The following DOCK8 variants were observed in gnomAD, a reference collection of about 807,000 sequenced individuals.
DOCK8 encodes the protein dedicator of cytokinesis 8, also known as dedicator of cytokinesis protein 8.
DOCK8 carries 141 observed loss-of-function variants against 245.6 expected under a neutral mutation model. The ratio of observed to expected loss-of-function variants is 0.57; its 90% CI spans 0.50 to 0.66. The LOEUF is 0.66. DOCK8 is among the 30% of genes least tolerant of loss of function. DOCK8 has a pLI of 0.00. For synonymous variants in DOCK8, 1,168 were observed against 970.2 expected, an observed-to-expected ratio of 1.20 and a Z score of -3.79; for missense variants, 2,965 against 2,603.4, an observed-to-expected ratio of 1.14 and a Z score of -3.02.
intron 14 of DOCK8, among the ~76,000 whole-genome samples, chr9:349,393 T>G (rs1209223329): frequency 6.6e-6 from 1 of 152,258 alleles, no homozygotes; most frequent in Non-Finnish European, 1.5e-5. Context: ...ATGCAACTAT[T>G]AATGGAAATA....
At chr9:404,774 T>A in intron 26 of DOCK8, 144 bp from the exon 27 acceptor site, 1 of 852,026 alleles carries the variant, frequency 1.2e-6, no homozygotes, top group East Asian at 2.6e-5. Context: ...TAATGCAGAA[T>A]TTACCATCTG....
Position 290,744 on chromosome 9 carries a change from C to G in DOCK8, c.404+1163C>G, listed in dbSNP as rs536834033. On this transcript the variant is annotated intron_variant, in intron 4 of 47. Coordinates refer to ENST00000432829, the MANE Select transcript of DOCK8 (RefSeq NM_203447.4). ...TAGAGACACGTCACAGAACCTTTGACAAGACATTAGTAGTTTAAAATTCTG... is the reference window on the plus strand; with the variant it reads ...TAGAGACACGTCACAGAACCTTTGAGAAGACATTAGTAGTTTAAAATTCTG... Among the ~76,000 whole-genome samples, 4 of 152,258 alleles carry G rather than the reference C, an allele frequency of 2.6e-5. No homozygotes were observed. The South Asian group carries it at 8.3e-4, about 32-fold the overall frequency.
intron 4 of DOCK8, among the ~76,000 whole-genome samples, chr9:302,654 G>A (rs190141322): frequency 3.3e-5 from 5 of 152,150 alleles, no homozygotes; most frequent in Non-Finnish European, 7.4e-5. Flanking sequence ...AATTCAACAT[G>A]CAAAAAACCA....
At position 285,169 on chromosome 9, in the gene DOCK8, C is replaced by T. The variant is rs558615243; in HGVS notation, c.157-1292C>T. ...AGCTTCATCCTCACTCCCTAACTTA[C>T]GCCACTCATGTCTCCTCCATCATCA... On this transcript the variant is annotated intron_variant, in intron 2 of 47. Transcript: ENST00000432829. Among the ~76,000 whole-genome samples, 9 of 152,238 alleles carry T rather than the reference C, an allele frequency of 5.9e-5. No homozygotes were observed. In the East Asian group the frequency reaches 9.6e-4, roughly 16 times the overall value.
intron 43 of DOCK8, among the ~76,000 whole-genome samples, chr9:444,117 T>C (rs530126810): frequency 2.8e-4 from 43 of 152,024 alleles, no homozygotes; most frequent in Non-Finnish European, 5.0e-4. Context: ...CAAGAGGGTA[T>C]GTTCCATTTC....
chr9:215,335 G>T (rs543388988), intron 1 of DOCK8: 3 of 1,602,232 alleles, frequency 1.9e-6, no homozygotes, highest in East Asian at 2.3e-5. Flanking sequence ...ACAGGTGGCC[G>T]GGTCCCAGAA....
rs34788676 is a variant in DOCK8, at chr9:372,045, G to A, written c.2008-140G>A. ...TCGGAGATTTAAAATGCAAAGAACT[G>A]GACAGAAATTACTGCCAAAAAGAGT... On this transcript the variant is annotated intron_variant, in intron 17 of 47. Coordinates refer to ENST00000432829, the MANE Select transcript of DOCK8 (RefSeq NM_203447.4). 0.016 allele frequency: 12,159 copies of A among 760,570 alleles called. 159 individuals carry two copies. The highest frequency in any genetic ancestry group is 0.03 in the South Asian group (1,979 of 64,960). 47.1% of individuals were successfully genotyped at this position (760,570 alleles called of 1,614,324 possible). A position where few individuals can be genotyped will look rare whatever the true frequency, so the allele number is the denominator to read the frequency against.
At chr9:328,941 C>CTT (rs1165346763) in intron 9 of DOCK8, among the ~76,000 whole-genome samples, 1,009 of 71,396 alleles carry the variant, frequency 0.014, 122 homozygotes, top group Non-Finnish European at 0.02. Context: ...CTTATTGATT[C>CTT]TTTTTTTTTT....
At chr9:398,989 TTTAG>T (rs1224309872) in intron 25 of DOCK8, among the ~76,000 whole-genome samples, 153 bp from the exon 26 acceptor site, 1 of 152,198 alleles carries the variant, frequency 6.6e-6, no homozygotes, top group Non-Finnish European at 1.5e-5. Context: ...CAGTCATGGC[TTTAG>T]TTAAAGGAGA....
chr9:337,934 A>G (rs963339309), intron 12 of DOCK8, among the ~76,000 whole-genome samples: 1 of 152,158 alleles, frequency 6.6e-6, no homozygotes, highest in Non-Finnish European at 1.5e-5. Context: ...CAGGTGGATT[A>G]TGTGAGGTCA....
At position 441,448 on chromosome 9, in the gene DOCK8, T is replaced by C. The variant is rs118163993; in HGVS notation, c.5355+31T>C. On this transcript the variant is annotated intron_variant, in intron 41 of 47. Transcript: ENST00000432829. ...CGGGGAGCCTGGCTGGCAGGTCTTG[T>C]TACCTGGTGGCAGGCGACCCTGTCC... 5.8e-3 allele frequency: 9,340 copies of C among 1,613,910 alleles called. 36 individuals are homozygous for C. Among genetic ancestry groups the C allele is most frequent in the Non-Finnish European group, 7.0e-3 (8,249 of 1,179,982 alleles).
intron 46 of DOCK8, chr9:458,005 C>T (rs1480150465): frequency 6.6e-6 from 1 of 152,214 alleles, no homozygotes; most frequent in Non-Finnish European, 1.5e-5. Flanking sequence ...CACTCTGGCT[C>T]CAGAGTCCAT....
intron 40 of DOCK8, 118 bp from the exon 41 acceptor site, chr9:441,168 A>G (rs545440769): frequency 4.8e-6 from 7 of 1,467,082 alleles, no homozygotes; most frequent in Non-Finnish European, 6.6e-6. Flanking sequence ...CCTGTGAAAT[A>G]CTGTGATACA....
chr9:424,162 C>CT (rs1338406519), intron 33 of DOCK8, among the ~76,000 whole-genome samples: 1 of 151,718 alleles, frequency 6.6e-6, no homozygotes, highest in Non-Finnish European at 1.5e-5. Context: ...CTTTCACCCT[C>CT]TTTCTGATCA....
intron 14 of DOCK8, among the ~76,000 whole-genome samples, chr9:358,850 A>T (rs1040284515): frequency 1.3e-5 from 2 of 152,228 alleles, no homozygotes; most frequent in African/African-American, 4.8e-5. Flanking sequence ...CTCCATCTCA[A>T]AGAGAAACAA....
chr9:365,574 C>CT (rs35000707), intron 14 of DOCK8: 5,690 of 414,592 alleles, frequency 0.014, 5 homozygotes, highest in South Asian at 0.033. Context: ...TCAGAGAAGG[C>CT]TTTTTTTTTT....
chr9:440,593 C>G (rs2057062929), intron 40 of DOCK8, among the ~76,000 whole-genome samples: 1 of 152,168 alleles, frequency 6.6e-6, no homozygotes, highest in Non-Finnish European at 1.5e-5. Context: ...GAATTAGAAT[C>G]CTACTAACTC....
At chr9:435,693 A>T (rs1241694562) in intron 39 of DOCK8, among the ~76,000 whole-genome samples, 1 of 152,206 alleles carries the variant, frequency 6.6e-6, no homozygotes, top group Non-Finnish European at 1.5e-5. Flanking sequence ...TAAGCTGAAA[A>T]TTACCCACAT....
intron 22 of DOCK8, 50 bp downstream of exon 22, chr9:382,735 T>C (rs765108361): frequency 6.3e-7 from 1 of 1,598,788 alleles, no homozygotes; most frequent in Non-Finnish European, 8.5e-7. Flanking sequence ...TTTTATTTTT[T>C]AACTAAAACT....
Sources: allele counts gnomAD v4.1 joint callset (sites outside exome capture counted in the v4.1 genomes callset), GRCh38; gene constraint gnomAD v4.1.1; transcripts MANE v1.5; gene names NCBI Gene and HGNC (gene_info 2026-07-23, HGNC 2026-07-21).